Variants in CCL17 observed in about 807,000 individuals in gnomAD.
The protein encoded by CCL17 is C-C motif chemokine ligand 17.
CCL17 carries 8 observed loss-of-function variants against 7.4 expected under a neutral mutation model. That is an observed-to-expected ratio of 1.09 (90% CI 0.64 to 1.96). The LOEUF (loss-of-function observed/expected upper bound fraction) is 1.96. CCL17 is among the 30% of genes most tolerant of loss of function. The probability of loss-of-function intolerance (pLI) is 0.00; values close to 1 mark genes in which losing one functional copy is unlikely to be tolerated. For synonymous variants in CCL17, 40 were observed against 46.1 expected, an observed-to-expected ratio of 0.87 and a Z score of 0.54; for missense variants, 102 against 113.0, an observed-to-expected ratio of 0.90 and a Z score of 0.44.
At chr16:57,397,866 C>A in the CCL17 span, among the ~76,000 whole-genome samples, 129 of 152,342 alleles carry the variant, frequency 8.5e-4, no homozygotes, top group South Asian at 8.7e-3. Context: ...ACATCAGTAA[C>A]TATGGCATAA....
upstream of CCL17, among the ~76,000 whole-genome samples, chr16:57,399,885 G>A (rs921350000): frequency 2.0e-5 from 3 of 152,166 alleles, no homozygotes; most frequent in Non-Finnish European, 2.9e-5. Flanking sequence ...CACCATGGGT[G>A]CAGTCTAGGT....
In CCL17 at chr16:57,408,574, AT is replaced by A. The variant is rs754193614; in HGVS notation, c.-60+3749del. ...CAGGTGCACACTGTAACACCTGGCT[AT>A]TTTTTTTTTTCGAGATGGAGTCTCA... On this transcript the variant is annotated intron_variant, in intron 1 of 3. Transcript: ENST00000219244. Among the ~76,000 whole-genome samples, 98 of 146,722 alleles carry A rather than the reference AT, an allele frequency of 6.7e-4. 1 individual carries two copies. In the East Asian group the frequency reaches 0.013, roughly 19 times the overall value.
At chr16:57,404,425 G>A (rs1902665487), upstream of CCL17, among the ~76,000 whole-genome samples, 1 of 152,150 alleles carries the variant, frequency 6.6e-6, no homozygotes, top group African/African-American at 2.4e-5. Flanking sequence ...GCGAGAGGAA[G>A]AGGCGTCAGG....
chr16:57,403,435 ATAATATATATATTATAT>A (rs1902631468), upstream of CCL17, among the ~76,000 whole-genome samples: 1 of 15,348 alleles, frequency 6.5e-5, no homozygotes, highest in South Asian at 2.4e-3. Context: ...AATATATATT[ATAATATATATATTATAT>A]TATAATATAT....
intron 1 of CCL17, among the ~76,000 whole-genome samples, chr16:57,412,147 G>A (rs1902794409): frequency 6.6e-6 from 1 of 152,226 alleles, no homozygotes; most frequent in South Asian, 2.1e-4. Flanking sequence ...AGAGCTCTGT[G>A]GGACAGACCA....
intron 1 of CCL17, among the ~76,000 whole-genome samples, chr16:57,409,748 C>G (rs750716652): frequency 3.4e-4 from 51 of 152,238 alleles, no homozygotes; most frequent in Admixed American, 5.2e-4. Flanking sequence ...AAGAGGACAC[C>G]CTGTCAGGAA....
At chr16:57,403,478 T>TATTATAATATAATATAAATA (rs1420472462), upstream of CCL17, among the ~76,000 whole-genome samples, 13 of 1,836 alleles carry the variant, frequency 7.1e-3, no homozygotes, top group Non-Finnish European at 0.012. Flanking sequence ...ATTATATATA[T>TATTATAATATAATATAAATA]TATATAATAA....
upstream of CCL17, among the ~76,000 whole-genome samples, chr16:57,400,558 T>A (rs1329633291): frequency 6.6e-6 from 1 of 152,108 alleles, no homozygotes; most frequent in Non-Finnish European, 1.5e-5. Flanking sequence ...TTTCAAGCTT[T>A]AAGACCAGAA....
At chr16:57,407,815 T>C (rs12924986) in intron 1 of CCL17, among the ~76,000 whole-genome samples, 1 of 151,572 alleles carries the variant, frequency 6.6e-6, no homozygotes, top group Non-Finnish European at 1.5e-5. Flanking sequence ...CATCCATCCG[T>C]CTGTCCATCC....
At chr16:57,409,813 T>C (rs143262957) in intron 1 of CCL17, among the ~76,000 whole-genome samples, 8 of 152,170 alleles carry the variant, frequency 5.3e-5, no homozygotes, top group Non-Finnish European at 1.2e-4. Flanking sequence ...TTGGGGCCTA[T>C]TTTGGGGTCA....
upstream of CCL17, among the ~76,000 whole-genome samples, chr16:57,403,392 AAT>A (rs1235159215): frequency 3.7e-4 from 8 of 21,366 alleles, no homozygotes; most frequent in Non-Finnish European, 2.0e-4. Flanking sequence ...TATTATATAT[AAT>A]ATATATATTA....
rs1902823529 is a variant in CCL17, at chr16:57,413,871, C to T, written c.-59-3C>T. On this transcript the variant is annotated splice_polypyrimidine_tract_variant and splice_region_variant and intron_variant, in intron 1 of 3. Transcript: ENST00000219244. ...GGTCACTGCCACCCTCGACTCTCAG[C>T]AGGGTGTCTCCCTGAGCAGAGGGAC... 1 of 1,462,476 alleles carries T rather than the reference C, an allele frequency of 6.8e-7. No homozygotes were observed. The highest frequency in any genetic ancestry group is 9.4e-7 in the Non-Finnish European group (1 of 1,069,518). The allele number at this position is 1,462,476 out of a possible 1,614,324, so 90.6% of individuals were successfully genotyped here. A position where few individuals can be genotyped will look rare whatever the true frequency, so the allele number is the denominator to read the frequency against.
At chr16:57,397,404 C>G in the CCL17 span, among the ~76,000 whole-genome samples, 1 of 152,230 alleles carries the variant, frequency 6.6e-6, no homozygotes, top group Non-Finnish European at 1.5e-5. Flanking sequence ...ATGAAAGTCC[C>G]CATTCTGTTT....
chr16:57,405,615 A>C (rs2146533638), intron 1 of CCL17, among the ~76,000 whole-genome samples: 1 of 152,316 alleles, frequency 6.6e-6, no homozygotes. Flanking sequence ...AGAACTGCAC[A>C]GAGCTGGCCA....
Position 57,415,191 on chromosome 16 carries a change from G to T in CCL17, c.181G>T (p.Ala61Ser). 6.2e-7 allele frequency: 1 copy of T among 1,603,444 alleles called. No individual in the cohort carries two copies. The highest frequency in any genetic ancestry group is 8.5e-7 in the Non-Finnish European group (1 of 1,170,296). The change falls in exon 3 of 4, where the codon GCC becomes TCC. Residue 61 changes from alanine (A) to serine (S), a missense_variant. By Grantham distance (99) the Ala-to-Ser change is moderately conservative (BLOSUM62 1). Coordinates refer to ENST00000219244, the MANE Select transcript of CCL17 (RefSeq NM_002987.3). The surrounding 1 kb of genome is among the most constrained non-coding windows in gnomAD (Gnocchi z 4.5). ...GACATCTGAGGACTGCTCCAGGGAT[G>T]CCATCGTGTAAGTCCCCCTGGCTCC... ...YQTSEDCSRD[A>S]IVFVTVQGRA...
At chr16:57,406,869 A>T (rs1902703860) in intron 1 of CCL17, among the ~76,000 whole-genome samples, 1 of 152,186 alleles carries the variant, frequency 6.6e-6, no homozygotes, top group African/African-American at 2.4e-5. Context: ...TCAGGGCTGT[A>T]GGTAATGATT....
the CCL17 span, among the ~76,000 whole-genome samples, chr16:57,398,659 C>G: frequency 6.6e-6 from 1 of 152,328 alleles, no homozygotes; most frequent in African/African-American, 2.4e-5. Flanking sequence ...GCTGAGGGCC[C>G]TGGTTCCTCT....
At chr16:57,410,014 G>T (rs1232107010) in intron 1 of CCL17, among the ~76,000 whole-genome samples, 1 of 152,242 alleles carries the variant, frequency 6.6e-6, no homozygotes, top group Non-Finnish European at 1.5e-5. Flanking sequence ...ATGAGCCTCA[G>T]GTGACACTGG....
At chr16:57,398,133 G>A in the CCL17 span, among the ~76,000 whole-genome samples, 1 of 152,116 alleles carries the variant, frequency 6.6e-6, no homozygotes, top group African/African-American at 2.4e-5. Flanking sequence ...TTGTCTGATA[G>A]CCATAAATTT....
Sources: allele counts gnomAD v4.1 joint callset (sites outside exome capture counted in the v4.1 genomes callset), GRCh38; gene constraint gnomAD v4.1.1; non-coding constraint Gnocchi (gnomAD v3.1); transcripts MANE v1.5; gene names NCBI Gene and HGNC (gene_info 2026-07-23, HGNC 2026-07-21).